The following NPAS3 variants were observed in gnomAD, a reference collection of about 807,000 sequenced individuals.
The protein encoded by NPAS3 is neuronal PAS domain-containing protein 3.
A neutral mutation model predicts 73.1 loss-of-function variants in NPAS3; 14 were observed. The ratio of observed to expected loss-of-function variants is 0.19; its 90% confidence interval spans 0.13 to 0.30. The LOEUF is 0.30. Among genes scored for constraint, NPAS3 ranks in the 10% least tolerant of loss-of-function variants. The pLI is 1.00. For missense variants in NPAS3, 1,096 were observed against 1,250.0 expected (o/e 0.88, Z 1.86); for synonymous variants, 620 against 541.5 (o/e 1.14, Z -2.01).
rs1470661408 is a variant in NPAS3, at chr14:33,311,487, A to G, written c.386-55699A>G. 2.0e-5 allele frequency among the ~76,000 whole-genome samples: 3 copies of G among 152,146 alleles called. 1 individual carries two copies. Among genetic ancestry groups the G allele is most frequent in the Admixed American group, 6.6e-5 (1 of 15,264 alleles). Reference sequence around the variant, plus strand: ...TCAGAATCATTGATGCCATGGTGCAATAGGTTTTTTTTCTTTTAATACTAC... The same window carrying G: ...TCAGAATCATTGATGCCATGGTGCAGTAGGTTTTTTTTCTTTTAATACTAC... On this transcript the variant is annotated intron_variant, in intron 3 of 11. Transcript: ENST00000356141.
chr14:33,290,099 G>A (rs2140105038), intron 3 of NPAS3, among the ~76,000 whole-genome samples: 1 of 152,218 alleles, frequency 6.6e-6, no homozygotes, highest in South Asian at 2.1e-4. Flanking sequence ...TACATGTTTA[G>A]TATTTTTATT....
At chr14:33,186,579 G>T (rs1001420768) in intron 2 of NPAS3, among the ~76,000 whole-genome samples, 7 of 152,108 alleles carry the variant, frequency 4.6e-5, no homozygotes, top group African/African-American at 1.7e-4. Flanking sequence ...CAATCTGAAC[G>T]CATGATTTTC....
At position 33,033,668 on chromosome 14, in the gene NPAS3, A is replaced by G. The variant is rs538799045; in HGVS notation, c.51-22237A>G. On this transcript the variant is annotated intron_variant, in intron 1 of 11. Transcript: ENST00000356141. ...TTAACTGATGACCACTCTCTCTAAG[A>G]GCTGTCATACATCACATAATAATGA... 1.9e-4 allele frequency among the ~76,000 whole-genome samples: 29 copies of G among 152,184 alleles called. 1 individual carries two copies. The East Asian group carries it at 4.8e-3, about 25-fold the overall frequency.
At position 33,077,776 on chromosome 14, in the gene NPAS3, T is replaced by TTTTTTTTTTG. The variant is rs1555333265; in HGVS notation, c.140+21791_140+21792insGTTTTTTTTT. Among the ~76,000 whole-genome samples, 8 of 145,592 alleles carry TTTTTTTTTTG rather than the reference T, an allele frequency of 5.5e-5. 2 individuals are homozygous for TTTTTTTTTTG. The highest frequency in any genetic ancestry group is 2.7e-4 in the Admixed American group (4 of 14,572). ...TTGCTCAAAACATTGCAGTAAGGGTTTTTTTTTTTTTTTGCCCCTTTTGGC... is the reference window on the plus strand; with the variant it reads ...TTGCTCAAAACATTGCAGTAAGGGTTTTTTTTTTTGTTTTTTTTTTTTTGCCCCTTTTGGC... On this transcript the variant is annotated intron_variant, in intron 2 of 11. Coordinates refer to ENST00000356141, the Ensembl canonical transcript of NPAS3.
intron 5 of NPAS3, among the ~76,000 whole-genome samples, chr14:33,588,781 A>AT (rs1425651598): frequency 6.6e-6 from 1 of 151,840 alleles, no homozygotes; most frequent in Non-Finnish European, 1.5e-5. Context: ...GCACAGATAA[A>AT]TTTTTTTGCA....
chr14:33,797,586 T>C lies in NPAS3; in HGVS notation c.1426+5T>C. 3 of 1,613,728 alleles carry C rather than the reference T, an allele frequency of 1.9e-6. No individual in the cohort carries two copies. The highest frequency in any genetic ancestry group is 2.5e-6 in the Non-Finnish European group (3 of 1,179,776). ...AAGACACCTCAGGTATTACAGGTAT[T>C]ATTCCTTCTTTTCCATGTTCTTCAG... On this transcript the variant is annotated splice_donor_5th_base_variant and intron_variant, in intron 11 of 11. Transcript: ENST00000356141.
chr14:33,508,444 A>G (rs1305313465), intron 4 of NPAS3, among the ~76,000 whole-genome samples: 1 of 152,068 alleles, frequency 6.6e-6, no homozygotes, highest in Non-Finnish European at 1.5e-5. Flanking sequence ...AGGGATAGAT[A>G]GCCAGCCAAA....
intron 6 of NPAS3, among the ~76,000 whole-genome samples, chr14:33,682,310 G>A (rs2059962998): frequency 1.3e-5 from 2 of 152,174 alleles, no homozygotes; most frequent in Admixed American, 1.3e-4. Context: ...TTAATACCCA[G>A]CTGTGCCTGT....
chr14:33,320,412 C>T (rs1044866798), intron 3 of NPAS3, among the ~76,000 whole-genome samples: 4 of 152,092 alleles, frequency 2.6e-5, no homozygotes, highest in African/African-American at 7.2e-5. Context: ...ACGTTGTGCA[C>T]GTGTACCCTA....
intron 4 of NPAS3, among the ~76,000 whole-genome samples, chr14:33,526,597 A>G (rs1356318321): frequency 2.6e-5 from 4 of 151,402 alleles, no homozygotes; most frequent in Admixed American, 2.0e-4. Flanking sequence ...CTGGGGTTCA[A>G]TATATGGAGA....
chr14:33,772,753 T>C (rs1312094830), intron 7 of NPAS3, among the ~76,000 whole-genome samples: 1 of 152,248 alleles, frequency 6.6e-6, no homozygotes, highest in Non-Finnish European at 1.5e-5. Context: ...AACGTGTGTC[T>C]GTGATGGTGT....
chr14:32,943,659 A>G (rs2036124539), intron 1 of NPAS3, among the ~76,000 whole-genome samples: 2 of 143,968 alleles, frequency 1.4e-5, no homozygotes, highest in South Asian at 4.5e-4. Context: ...ATATTTGGGG[A>G]TTTCTTTTTT....
At chr14:33,618,724 C>G (rs1331920109) in intron 5 of NPAS3, among the ~76,000 whole-genome samples, 1 of 152,208 alleles carries the variant, frequency 6.6e-6, no homozygotes, top group Non-Finnish European at 1.5e-5. Flanking sequence ...TATTTGATAG[C>G]AATGAAATGT....
intron 5 of NPAS3, among the ~76,000 whole-genome samples, chr14:33,641,046 ATTGTAGT>A (rs1274403920): frequency 1.3e-5 from 2 of 152,182 alleles, no homozygotes; most frequent in African/African-American, 4.8e-5. Context: ...TGTATACTTT[ATTGTAGT>A]TTGTACATTT....
Position 32,979,403 on chromosome 14 carries a change from A to G in NPAS3, c.50+40037A>G, listed in dbSNP as rs150116329. Among the ~76,000 whole-genome samples the G allele has an allele frequency of 1.1e-3, 162 of 152,346 alleles. 1 individual carries two copies. The East Asian group carries it at 0.026, about 24-fold the overall frequency. On this transcript the variant is annotated intron_variant, in intron 1 of 11. Coordinates refer to ENST00000356141, the Ensembl canonical transcript of NPAS3. The stretch of plus-strand genomic sequence containing the variant: ...TATGCACCACTGAATTAGACACACT[A>G]TCTCATTTAATAATTGGAAAAAATC...
chr14:33,698,154 T>C (rs184292626), intron 6 of NPAS3, among the ~76,000 whole-genome samples: 2 of 152,256 alleles, frequency 1.3e-5, no homozygotes, highest in East Asian at 3.9e-4. Flanking sequence ...TGACAGTAAA[T>C]GACAAATCAT....
At chr14:33,093,807 T>G (rs944728375) in intron 2 of NPAS3, among the ~76,000 whole-genome samples, 2 of 152,134 alleles carry the variant, frequency 1.3e-5, no homozygotes, top group African/African-American at 4.8e-5. Flanking sequence ...GGATGAGTTT[T>G]TGTCCTTTGT....
intron 9 of NPAS3, among the ~76,000 whole-genome samples, chr14:33,788,114 G>A (rs1271088024): frequency 2.0e-5 from 3 of 152,148 alleles, no homozygotes; most frequent in Admixed American, 6.5e-5. Context: ...AAAGGGAACC[G>A]GTGGCTACAG....
chr14:33,125,484 A>G (rs1442048939), intron 2 of NPAS3, among the ~76,000 whole-genome samples: 5 of 152,158 alleles, frequency 3.3e-5, no homozygotes, highest in Admixed American at 1.3e-4. Flanking sequence ...ATATAGAGGC[A>G]ACAGTGGCTG....
Sources: gnomAD v4.1 joint callset for allele counts (sites outside exome capture counted in the v4.1 genomes callset) on GRCh38, gnomAD v4.1.1 for gene constraint, MANE v1.5 for transcripts, NCBI Gene and HGNC (gene_info 2026-07-23, HGNC 2026-07-21) for gene names.